Variants in MAP2K4 observed in about 807,000 individuals in gnomAD.
MAP2K4 encodes mitogen-activated protein kinase kinase 4, also known as dual specificity mitogen-activated protein kinase kinase 4.
In MAP2K4, 4 loss-of-function variants were observed where a neutral mutation model predicts 48.5. That is an observed-to-expected ratio of 0.08 (90% CI 0.04 to 0.19). MAP2K4 has a LOEUF of 0.19. Ranked by LOEUF, MAP2K4 falls within the 10% of genes least tolerant of loss-of-function variation. The pLI is 1.00. For synonymous variants in MAP2K4, 166 were observed against 173.1 expected, an observed-to-expected ratio of 0.96 and a Z score of 0.32; for missense variants, 258 against 493.3, an observed-to-expected ratio of 0.52 and a Z score of 4.52.
At chr17:12,080,968 G>A (rs1361492339) in intron 2 of MAP2K4, among the ~76,000 whole-genome samples, 1 of 152,158 alleles carries the variant, frequency 6.6e-6, no homozygotes, top group East Asian at 1.9e-4. Flanking sequence ...GAACTTTTTC[G>A]CAATAAGGTT....
chr17:12,097,844 T>A (rs1186588843), intron 4 of MAP2K4, among the ~76,000 whole-genome samples: 1 of 152,200 alleles, frequency 6.6e-6, no homozygotes, highest in Non-Finnish European at 1.5e-5. Flanking sequence ...AAGATATATA[T>A]ATGCTTTTTA....
chr17:12,083,682 A>G (rs972464373), intron 3 of MAP2K4, among the ~76,000 whole-genome samples: 1 of 152,258 alleles, frequency 6.6e-6, no homozygotes, highest in Non-Finnish European at 1.5e-5. Flanking sequence ...AATTGATGAC[A>G]GATGTATGCC....
At chr17:12,104,111 A>G (rs948130583) in intron 4 of MAP2K4, among the ~76,000 whole-genome samples, 8 of 152,218 alleles carry the variant, frequency 5.3e-5, no homozygotes, top group East Asian at 1.9e-4. Context: ...CAAAATTTCT[A>G]TATCAATAAT....
At chr17:12,025,942 T>C (rs2151505745) in intron 1 of MAP2K4, among the ~76,000 whole-genome samples, 1 of 152,262 alleles carries the variant, frequency 6.6e-6, no homozygotes, top group African/African-American at 2.4e-5. Context: ...GTGCAGACAG[T>C]GAAGAGTTTC....
chr17:12,141,252 G>A lies in MAP2K4; in HGVS notation c.1192G>A (p.Val398Ile). ...AGCTACTCCCAGCTCTCCCATGTATGTCGATTGATATCGCTGCTACATCAG... is the reference window on the plus strand; with the variant it reads ...AGCTACTCCCAGCTCTCCCATGTATATCGATTGATATCGCTGCTACATCAG... ...MPATPSSPMY[V>I]D Residue 398 changes from valine to isoleucine, a missense_variant, in exon 11 of 11, where the codon GTC becomes ATC. Val to Ile is a conservative substitution (Grantham distance 29). Around this residue, in one of 3 missense-constraint regions of MAP2K4, gnomAD observed 57 missense variants for 84.3 expected, o/e 0.68. Coordinates refer to ENST00000353533, the MANE Select transcript of MAP2K4 (RefSeq NM_003010.4). 1 of 1,610,878 alleles carries A rather than the reference G, an allele frequency of 6.2e-7. No individual in the cohort carries two copies. The highest frequency in any genetic ancestry group is 8.5e-7 in the Non-Finnish European group (1 of 1,177,064).
chr17:12,138,691 G>A (rs909821624), intron 9 of MAP2K4, among the ~76,000 whole-genome samples: 4 of 152,162 alleles, frequency 2.6e-5, no homozygotes, highest in South Asian at 2.1e-4. Context: ...TGGAAAGCAG[G>A]CTTTTGAGAC....
At chr17:12,074,357 A>G (rs1049979144) in intron 2 of MAP2K4, among the ~76,000 whole-genome samples, 1 of 151,904 alleles carries the variant, frequency 6.6e-6, no homozygotes, top group African/African-American at 2.4e-5. Flanking sequence ...ATTTTCATGA[A>G]TGTTTTTGAG....
At chr17:12,043,448 G>T (rs35326144) in intron 1 of MAP2K4, among the ~76,000 whole-genome samples, 5,219 of 152,064 alleles carry the variant, frequency 0.034, 125 homozygotes, top group Non-Finnish European at 0.052. Context: ...CAAGTTGAAG[G>T]GCTCAGTGCT....
intron 3 of MAP2K4, among the ~76,000 whole-genome samples, chr17:12,087,270 A>G (rs780638663): frequency 3.9e-5 from 6 of 152,314 alleles, no homozygotes; most frequent in Non-Finnish European, 7.3e-5. Flanking sequence ...AATTTGTTGT[A>G]TATGTCAGAT....
At chr17:12,094,959 T>C (rs1971685733) in intron 3 of MAP2K4, among the ~76,000 whole-genome samples, 1 of 152,162 alleles carries the variant, frequency 6.6e-6, no homozygotes, top group Non-Finnish European at 1.5e-5. Flanking sequence ...GAACTTTTTG[T>C]TTTTAATGTA....
intron 7 of MAP2K4, among the ~76,000 whole-genome samples, chr17:12,118,454 C>T (rs1597486026): frequency 1.3e-5 from 2 of 152,168 alleles, no homozygotes; most frequent in African/African-American, 2.4e-5. Flanking sequence ...CTGGATCACT[C>T]GGGATACCTT....
intron 1 of MAP2K4, among the ~76,000 whole-genome samples, chr17:12,035,192 C>T: frequency 6.6e-6 from 1 of 152,292 alleles, no homozygotes; most frequent in South Asian, 2.1e-4. Context: ...TAGACATTAA[C>T]TTTATGGTAA....
At chr17:12,051,433 ATC>A (rs1199796760) in intron 1 of MAP2K4, among the ~76,000 whole-genome samples, 2 of 152,196 alleles carry the variant, frequency 1.3e-5, no homozygotes, top group Non-Finnish European at 2.9e-5. Context: ...TATACAGAGA[ATC>A]TCTCGCAGGA....
chr17:12,131,250 TTC>T (rs1973014208), intron 9 of MAP2K4, among the ~76,000 whole-genome samples: 1 of 151,342 alleles, frequency 6.6e-6, no homozygotes, highest in Non-Finnish European at 1.5e-5. Flanking sequence ...TTTTTTTTTT[TTC>T]TTTCTTGTTT....
At chr17:12,076,857 T>TTGTGTG (rs57224781) in intron 2 of MAP2K4, among the ~76,000 whole-genome samples, 87 of 150,934 alleles carry the variant, frequency 5.8e-4, no homozygotes, top group East Asian at 5.7e-3. Context: ...TGTTTGTATT[T>TTGTGTG]TGTGTGTGTG....
intron 3 of MAP2K4, among the ~76,000 whole-genome samples, chr17:12,091,847 T>C (rs1971573788): frequency 6.6e-6 from 1 of 152,204 alleles, no homozygotes; most frequent in Admixed American, 6.5e-5. Context: ...TAGTAATTTT[T>C]GTTTTGATTT....
chr17:12,104,634 T>C (rs1186482191), intron 4 of MAP2K4, among the ~76,000 whole-genome samples: 3 of 152,118 alleles, frequency 2.0e-5, no homozygotes, highest in Admixed American at 6.5e-5. Flanking sequence ...CATAACTCTT[T>C]ATTATTCAGG....
At position 12,029,761 on chromosome 17, in the gene MAP2K4, CA is replaced by C. The variant is rs560485547; in HGVS notation, c.115+8765del. ...GCAACATGTTGGGACTCCATCTCTA[CA>C]AAAACAAAAAACAAAAAACTCCAAA... On this transcript the variant is annotated intron_variant, in intron 1 of 10. Coordinates refer to ENST00000353533, the MANE Select transcript of MAP2K4 (RefSeq NM_003010.4). Among the ~76,000 whole-genome samples, 409 of 151,678 alleles carry C rather than the reference CA, an allele frequency of 2.7e-3. 1 individual carries two copies. Among genetic ancestry groups the C allele is most frequent in the Non-Finnish European group, 4.1e-3 (277 of 67,860 alleles).
intron 7 of MAP2K4, among the ~76,000 whole-genome samples, chr17:12,117,506 T>TA (rs1281970745): frequency 6.6e-6 from 1 of 152,008 alleles, no homozygotes; most frequent in African/African-American, 2.4e-5. Context: ...CAAAGGGTAA[T>TA]AAAATGGCAT....
Sources: gnomAD v4.1 joint callset for allele counts (sites outside exome capture counted in the v4.1 genomes callset) on GRCh38, gnomAD v4.1.1 for gene constraint, gnomAD v4.1.1 regional missense constraint, MANE v1.5 for transcripts, NCBI Gene and HGNC (gene_info 2026-07-23, HGNC 2026-07-21) for gene names.